Variants in ABL2 observed in about 807,000 individuals in gnomAD.
The protein encoded by ABL2 is ABL proto-oncogene 2, non-receptor tyrosine kinase.
A neutral mutation model predicts 107.7 loss-of-function variants in ABL2; 49 were observed. The observed-to-expected ratio is 0.45, with a 90% CI of 0.36 to 0.58. ABL2 has a LOEUF of 0.58. Ranked by LOEUF, ABL2 falls within the 20% of genes least tolerant of loss-of-function variation. ABL2 has a pLI of 0.00. For synonymous variants in ABL2, 549 were observed against 548.6 expected, an observed-to-expected ratio of 1.00 and a Z score of -0.01; for missense variants, 1,245 against 1,457.0, an observed-to-expected ratio of 0.85 and a Z score of 2.37.
chr1:179,171,862 A>G (rs1427258527), intron 1 of ABL2, among the ~76,000 whole-genome samples: 2 of 152,164 alleles, frequency 1.3e-5, no homozygotes, highest in East Asian at 3.8e-4. Context: ...AGCCTAATTT[A>G]TTTCTTCATT....
intron 1 of ABL2, among the ~76,000 whole-genome samples, chr1:179,136,798 C>T (rs942230412): frequency 3.3e-5 from 5 of 151,272 alleles, no homozygotes; most frequent in African/African-American, 1.2e-4. Context: ...TGCCTATAAT[C>T]CCAGCTACTT....
intron 1 of ABL2, among the ~76,000 whole-genome samples, chr1:179,179,364 A>G (rs1660235065): frequency 6.6e-6 from 1 of 152,222 alleles, no homozygotes; most frequent in African/African-American, 2.4e-5. Context: ...TTGACCTTGA[A>G]AAGGCAAAAA....
chr1:179,124,104 G>A (rs1655496743), intron 4 of ABL2, among the ~76,000 whole-genome samples: 1 of 151,962 alleles, frequency 6.6e-6, no homozygotes, highest in African/African-American at 2.4e-5. Context: ...AGCCGGGCGT[G>A]GTGGTGGGCG....
intron 1 of ABL2, among the ~76,000 whole-genome samples, chr1:179,149,697 T>C (rs1338203866): frequency 6.6e-6 from 1 of 152,200 alleles, no homozygotes; most frequent in Admixed American, 6.5e-5. Context: ...GCTCTATAAA[T>C]GGAACAACAA....
chr1:179,127,741 CA>C (rs1452751957), intron 3 of ABL2, among the ~76,000 whole-genome samples: 1 of 152,072 alleles, frequency 6.6e-6, no homozygotes, highest in Non-Finnish European at 1.5e-5. Context: ...ATCAAAAGCA[CA>C]TGGCCATGGC....
intron 1 of ABL2, among the ~76,000 whole-genome samples, chr1:179,211,629 GC>G (rs1195902728): frequency 1.3e-5 from 2 of 152,024 alleles, no homozygotes; most frequent in African/African-American, 4.8e-5. Flanking sequence ...AGGCATTGTG[GC>G]TCATGCCTGT....
At chr1:179,204,620 G>T (rs1408367087) in intron 1 of ABL2, among the ~76,000 whole-genome samples, 4 of 151,908 alleles carry the variant, frequency 2.6e-5, no homozygotes, top group Admixed American at 2.6e-4. Context: ...GGTGGCGCAT[G>T]CCTGTAATCC....
intron 1 of ABL2, among the ~76,000 whole-genome samples, chr1:179,152,897 C>A (rs1001235321): frequency 6.6e-6 from 1 of 151,944 alleles, no homozygotes. Flanking sequence ...TAAAGGATAT[C>A]GGAAAGGAAA....
At chr1:179,153,667 A>G (rs1358091423) in intron 1 of ABL2, among the ~76,000 whole-genome samples, 1 of 152,110 alleles carries the variant, frequency 6.6e-6, no homozygotes, top group Non-Finnish European at 1.5e-5. Flanking sequence ...TATAAAGACC[A>G]AAAATTCCCC....
intron 1 of ABL2, among the ~76,000 whole-genome samples, chr1:179,224,252 T>C (rs1388936655): frequency 6.6e-6 from 1 of 151,170 alleles, no homozygotes; most frequent in East Asian, 1.9e-4. Context: ...CCAAACTTCA[T>C]AATGTAAGGG....
rs552962747 is a variant in ABL2, at chr1:179,126,705, C to T, written c.392-33G>A. 5.7e-5 allele frequency: 89 copies of T among 1,567,998 alleles called. No homozygotes were observed. In the South Asian group the frequency reaches 8.7e-4, roughly 15 times the overall value. On this transcript the variant is annotated intron_variant, in intron 3 of 11. Coordinates refer to ENST00000502732, the MANE Select transcript of ABL2 (RefSeq NM_007314.4). The surrounding 1 kb of genome is among the most constrained non-coding windows in gnomAD (Gnocchi z 4.4). ...TAAGGTCATCACAGGATGAAAGAAA[C>T]GATGTTAAGACTTTATTTCAACTGA... is the stretch of plus-strand genomic sequence containing the variant.
chr1:179,109,041 C>T lies in ABL2; in HGVS notation c.2226G>A (p.Gly742=). The T allele has an allele frequency of 6.2e-7, 1 of 1,608,104 alleles. No homozygotes were observed. The highest frequency in any genetic ancestry group is 1.1e-5 in the South Asian group (1 of 90,314). ...AGCCTGTGATGCCAGACCACCCACCCCCAGCAGTGCCACTGCCCCCACCCC... is the reference window on the plus strand; with the variant it reads ...AGCCTGTGATGCCAGACCACCCACCTCCAGCAGTGCCACTGCCCCCACCCC... ...GGGGGGSGTA[G]GGWSGITGFF... is the part of the protein sequence containing the mutation. The change falls in exon 12 of 12, where the codon GGG becomes GGA. Residue 742 remains glycine, a synonymous_variant. Coordinates refer to ENST00000502732, the MANE Select transcript of ABL2 (RefSeq NM_007314.4).
intron 9 of ABL2, among the ~76,000 whole-genome samples, chr1:179,112,814 G>A (rs1410750020): frequency 6.6e-6 from 1 of 151,936 alleles, no homozygotes; most frequent in East Asian, 1.9e-4. Flanking sequence ...GAGTGCAGTG[G>A]CGCGATCTCG....
At position 179,213,097 on chromosome 1, in the gene ABL2, C is replaced by A. The variant is rs185670066; in HGVS notation, c.157+16144G>T. ...AATGCAAGCTACAAATGCCATTTTA[C>A]TTTTTCTAGTAACTACATCAAAAAT... On this transcript the variant is annotated intron_variant, in intron 1 of 11. Coordinates refer to ENST00000502732, the MANE Select transcript of ABL2 (RefSeq NM_007314.4). 2.7e-5 allele frequency among the ~76,000 whole-genome samples: 4 copies of A among 149,570 alleles called. No individual in the cohort carries two copies. In the East Asian group the frequency reaches 5.9e-4, roughly 22 times the overall value.
intron 1 of ABL2, among the ~76,000 whole-genome samples, chr1:179,160,531 G>A (rs111646321): frequency 0.017 from 2,597 of 151,824 alleles, 77 homozygotes; most frequent in African/African-American, 0.058. Flanking sequence ...TCTAATTCTC[G>A]TAATAATCCT....
At position 179,229,172 on chromosome 1, in the gene ABL2, CACCCACCCCG is replaced by C; in HGVS notation, c.157+59_157+68del. On this transcript the variant is annotated intron_variant, in intron 1 of 11. Coordinates refer to ENST00000502732, the MANE Select transcript of ABL2 (RefSeq NM_007314.4). ...CCGACCCCTCGGGCAGCCCGTCCGC[CACCCACCCCG>C]CCCCGACCCCACCCCCGGCCTCCCC... The C allele has an allele frequency of 4.5e-5, 16 of 351,898 alleles. 1 individual carries two copies. The highest frequency in any genetic ancestry group is 8.9e-5 in the East Asian group (1 of 11,252). 21.8% of individuals were successfully genotyped at this position (351,898 alleles called of 1,614,324 possible). A position where few individuals can be genotyped will look rare whatever the true frequency, so the allele number is the denominator to read the frequency against.
At chr1:179,225,269 T>A (rs1021312799) in intron 1 of ABL2, among the ~76,000 whole-genome samples, 1 of 152,226 alleles carries the variant, frequency 6.6e-6, no homozygotes, top group Non-Finnish European at 1.5e-5. Flanking sequence ...ACCATTTCCA[T>A]AATGTATGTA....
Position 179,107,750 on chromosome 1 carries a change from C to T in ABL2, c.3517G>A (p.Val1173Ile), listed in dbSNP as rs1653570747. 2 of 1,613,360 alleles carry T rather than the reference C, an allele frequency of 1.2e-6. No homozygotes were observed. The highest frequency in any genetic ancestry group is 1.7e-5 in the Admixed American group (1 of 59,972). ...TGCACCACATCACTGATTTCCTGTA[C>T]ACATGACAATAAGTTATTAAGGACA... ...NPVLNNLLSC[V>I]QEISDVVQR The change falls in exon 12 of 12, where the codon GTA becomes ATA. Residue 1173 changes from valine to isoleucine, a missense_variant. By Grantham distance (29) the Val-to-Ile change is conservative. This residue lies in a region of ABL2 where 761 missense variants were observed against 766.4 expected (regional missense o/e 0.99). Coordinates refer to ENST00000502732, the MANE Select transcript of ABL2 (RefSeq NM_007314.4).
chr1:179,108,037 T>C lies in ABL2; in HGVS notation c.3230A>G (p.Glu1077Gly), dbSNP rs1480907861. 1.2e-6 allele frequency: 2 copies of C among 1,614,130 alleles called. No individual in the cohort carries two copies. The highest frequency in any genetic ancestry group is 1.7e-6 in the Non-Finnish European group (2 of 1,180,068). Residue 1077 changes from glutamate to glycine, a missense_variant, in exon 12 of 12, where the codon GAG becomes GGG. By Grantham distance (98) the Glu-to-Gly change is moderately conservative. Transcript: ENST00000502732. ...GCTGATTTTGTCTGCTGAGATTTTC[T>C]CAGCGGCCTGTTTGGTTTTTCTCAG... Reference protein sequence around the residue: ...VALRKTKQAAEKISADKISKE... With the variant: ...VALRKTKQAAGKISADKISKE...
Sources: allele counts gnomAD v4.1 joint callset (sites outside exome capture counted in the v4.1 genomes callset), GRCh38; gene constraint gnomAD v4.1.1; regional missense constraint gnomAD v4.1.1; non-coding constraint Gnocchi (gnomAD v3.1); transcripts MANE v1.5; gene names NCBI Gene and HGNC (gene_info 2026-07-23, HGNC 2026-07-21).